The following CDC45 variants were observed in gnomAD, a reference collection of about 807,000 sequenced individuals.
The protein encoded by CDC45 is cell division cycle 45.
A neutral mutation model predicts 77.8 loss-of-function variants in CDC45; 54 were observed. The ratio of observed to expected loss-of-function variants is 0.69; its 90% CI spans 0.56 to 0.87. The LOEUF (loss-of-function observed/expected upper bound fraction) is 0.87. Ranked by LOEUF, CDC45 falls within the 40% of genes least tolerant of loss-of-function variation. The probability of loss-of-function intolerance (pLI) is 0.00; values close to 1 mark genes in which losing one functional copy is unlikely to be tolerated. For synonymous variants in CDC45, 260 were observed against 272.1 expected (o/e 0.96, Z 0.44); for missense variants, 649 against 721.6 (o/e 0.90, Z 1.15).
chr22:19,484,104 T>A, intron 5 of CDC45, 99 bp downstream of exon 5: 1 of 1,190,862 alleles, frequency 8.4e-7, no homozygotes, highest in Non-Finnish European at 1.2e-6. Context: ...CTGAGGGCAG[T>A]GGGAAGTGGA....
chr22:19,500,825 G>A (rs1156587582), intron 9 of CDC45, among the ~76,000 whole-genome samples: 3 of 152,254 alleles, frequency 2.0e-5, no homozygotes, highest in South Asian at 2.1e-4. Context: ...AAACTCTGCT[G>A]TCTCAGTGTA....
intron 17 of CDC45, 76 bp downstream of exon 17, chr22:19,516,969 A>G: frequency 7.9e-7 from 1 of 1,272,368 alleles, no homozygotes; most frequent in South Asian, 1.2e-5. Flanking sequence ...GAACCAAGCA[A>G]GTTGGCATGG....
In CDC45 at chr22:19,481,514, G is replaced by C. The variant is rs539040604; in HGVS notation, c.204+469G>C. ...CTGCCTCAGCCTCCTGAGTAGCTGG[G>C]ACTACAGGCACCCGCCACCACACCT... On this transcript the variant is annotated intron_variant, in intron 3 of 18. Transcript: ENST00000263201. 6.3e-4 allele frequency among the ~76,000 whole-genome samples: 96 copies of C among 151,926 alleles called. 2 individuals carry two copies. The South Asian group carries it at 0.02, about 32-fold the overall frequency.
intron 13 of CDC45, among the ~76,000 whole-genome samples, chr22:19,514,545 C>G (rs528739001): frequency 6.6e-6 from 1 of 152,304 alleles, no homozygotes; most frequent in South Asian, 2.1e-4. Flanking sequence ...ACCCGCTCCA[C>G]CTCTCATTTG....
intron 13 of CDC45, among the ~76,000 whole-genome samples, chr22:19,509,401 G>A (rs1933394010): frequency 6.6e-6 from 1 of 152,202 alleles, no homozygotes; most frequent in Admixed American, 6.5e-5. Context: ...ATGCATTACT[G>A]GGCAAGTGTT....
chr22:19,507,022 G>A (rs573616590), intron 10 of CDC45, among the ~76,000 whole-genome samples: 2 of 152,330 alleles, frequency 1.3e-5, no homozygotes, highest in Admixed American at 6.5e-5. Flanking sequence ...TGGGTTGTAG[G>A]GAGGGCTGGG....
chr22:19,515,533 T>C (rs550486699), intron 15 of CDC45, among the ~76,000 whole-genome samples: 1 of 152,184 alleles, frequency 6.6e-6, no homozygotes, highest in Non-Finnish European at 1.5e-5. Flanking sequence ...AGATGTGACA[T>C]GTCAATAATT....
At chr22:19,503,869 C>T (rs5748248) in intron 9 of CDC45, among the ~76,000 whole-genome samples, 6,036 of 152,344 alleles carry the variant, frequency 0.04, 214 homozygotes, top group South Asian at 0.13. Context: ...GTGCTGGTTG[C>T]ACGGAGAAAA....
At chr22:19,498,709 C>T (rs2090287212) in intron 8 of CDC45, among the ~76,000 whole-genome samples, 1 of 152,214 alleles carries the variant, frequency 6.6e-6, no homozygotes, top group African/African-American at 2.4e-5. Flanking sequence ...TCACCAACAG[C>T]TCAGCACAGG....
At chr22:19,482,312 A>G (rs1237361445) in intron 3 of CDC45, among the ~76,000 whole-genome samples, 2 of 152,258 alleles carry the variant, frequency 1.3e-5, no homozygotes, top group South Asian at 2.1e-4. Context: ...AGTATTTGCT[A>G]AAAACTTAAA....
At chr22:19,511,146 T>A (rs540399818) in intron 13 of CDC45, among the ~76,000 whole-genome samples, 9 of 152,282 alleles carry the variant, frequency 5.9e-5, no homozygotes, top group African/African-American at 1.7e-4. Flanking sequence ...TTTCTTCACA[T>A]CCTCACCGAC....
rs745709547 is a variant in CDC45, at chr22:19,507,836, A to G, written c.1027A>G (p.Met343Val). Residue 343 changes from methionine to valine, a missense_variant, in exon 12 of 19, where the codon ATG (methionine) becomes GTG (valine). Met to Val is a conservative substitution (Grantham distance 21). Coordinates refer to ENST00000263201, the MANE Select transcript of CDC45 (RefSeq NM_003504.5). ...DISLKENLRE[M>V]IEESANKFGM... ...CTCCTTGAAGGAGAATTTGCGGGAA[A>G]TGATTGAAGAGTCTGCAAATAAATT... The G allele has an allele frequency of 1.2e-6, 2 of 1,600,266 alleles. No homozygotes were observed. The highest frequency in any genetic ancestry group is 1.7e-6 in the Non-Finnish European group (2 of 1,175,858).
intron 4 of CDC45, 69 bp downstream of exon 4, chr22:19,482,896 T>C: frequency 1.4e-6 from 2 of 1,456,920 alleles, no homozygotes; most frequent in Admixed American, 1.7e-5. Context: ...CACCTGGTGT[T>C]CTTGGTAAGG....
chr22:19,506,383 CTG>C, intron 10 of CDC45, among the ~76,000 whole-genome samples: 1 of 151,994 alleles, frequency 6.6e-6, no homozygotes. Context: ...GAGTGTGTGA[CTG>C]AGACAGGAGG....
At chr22:19,479,580 C>G (rs1327354494), upstream of CDC45, 3 of 583,834 alleles carry the variant, frequency 5.1e-6, no homozygotes, top group African/African-American at 5.5e-5. Flanking sequence ...GGGTATGTGA[C>G]TGAGTTTAAT....
At chr22:19,488,284 G>A (rs147643359) in intron 5 of CDC45, among the ~76,000 whole-genome samples, 37 of 152,376 alleles carry the variant, frequency 2.4e-4, no homozygotes, top group Admixed American at 7.2e-4. Context: ...CATGGATTCT[G>A]TAGGTTAGGA....
chr22:19,503,287 C>G (rs1932971295), intron 9 of CDC45, among the ~76,000 whole-genome samples: 1 of 152,190 alleles, frequency 6.6e-6, no homozygotes, highest in Non-Finnish European at 1.5e-5. Context: ...TTCCCAGTTT[C>G]ACAAGATGCA....
rs375091939 is a variant in CDC45, at chr22:19,483,356, C to G, written c.343-506C>G. On this transcript the variant is annotated intron_variant, in intron 4 of 18. Coordinates refer to ENST00000263201, the MANE Select transcript of CDC45 (RefSeq NM_003504.5). Reference sequence around the variant, plus strand: ...CTGAGGCAGGAGAATGGCATGAACCCAGGAGGCAGAGCTTGCAGTGAGCCG... The same window carrying G: ...CTGAGGCAGGAGAATGGCATGAACCGAGGAGGCAGAGCTTGCAGTGAGCCG... Among the ~76,000 whole-genome samples the G allele has an allele frequency of 1.2e-4, 19 of 152,170 alleles. No individual in the cohort carries two copies. In the East Asian group the frequency reaches 3.5e-3, roughly 28 times the overall value.
rs1268780743 is a variant in CDC45 at position 19,480,125 on chromosome 22, G to T, written c.52-33G>T. 3 of 1,613,542 alleles carry T rather than the reference G, an allele frequency of 1.9e-6. No homozygotes were observed. In the South Asian group the frequency reaches 3.3e-5, roughly 18 times the overall value. Reference sequence around the variant, plus strand: ...GCAGGGGAGGGCCGGGGTTCGGGTCGCCGTGTTCAGCCGGTCTGCTCTTCC... The same window carrying T: ...GCAGGGGAGGGCCGGGGTTCGGGTCTCCGTGTTCAGCCGGTCTGCTCTTCC... On this transcript the variant is annotated intron_variant, in intron 1 of 18. Coordinates refer to ENST00000263201, the MANE Select transcript of CDC45 (RefSeq NM_003504.5).
Sources: allele counts gnomAD v4.1 joint callset (sites outside exome capture counted in the v4.1 genomes callset), GRCh38; gene constraint gnomAD v4.1.1; transcripts MANE v1.5; gene names NCBI Gene and HGNC (gene_info 2026-07-23, HGNC 2026-07-21).